ATP1B3: variants seen among roughly 807,000 people sequenced by gnomAD.
The protein encoded by ATP1B3 is ATPase Na+/K+ transporting subunit beta 3.
Under a neutral mutation model 30.2 loss-of-function variants are expected in ATP1B3, and 10 were observed. The observed-to-expected ratio is 0.33, with a 90% CI of 0.20 to 0.56. The LOEUF is 0.56. ATP1B3 is among the 20% of genes least tolerant of loss of function. ATP1B3 has a pLI of 0.90. For missense variants in ATP1B3, 238 were observed against 336.7 expected, an observed-to-expected ratio of 0.71 and a Z score of 2.29; for synonymous variants, 113 against 117.0, an observed-to-expected ratio of 0.97 and a Z score of 0.22.
In ATP1B3 at chr3:141,876,894, C is replaced by T. The variant is rs1367098935; in HGVS notation, c.93C>T (p.Arg31=). 4.4e-6 allele frequency: 7 copies of T among 1,581,348 alleles called. No homozygotes were observed. In the Admixed American group the frequency reaches 5.2e-5, roughly 12 times the overall value. ...YNPTTGEFLG[R]TAKSWGLILL... ...CGACCACCGGAGAATTCCTGGGGCG[C>T]ACCGCCAAGAGCTGGGGTGAGCGGG... is the stretch of plus-strand genomic sequence containing the variant. The change falls in exon 1 of 7, where the codon CGC becomes CGT. Residue 31 remains arginine (R), a synonymous_variant. Transcript: ENST00000286371.
At position 141,902,042 on chromosome 3, in the gene ATP1B3, A is replaced by T. The variant is rs111605975; in HGVS notation, c.110-1578A>T. 1.8e-5 allele frequency: 17 copies of T among 945,424 alleles called. No individual in the cohort carries two copies. In the African/African-American group the frequency reaches 2.0e-4, roughly 11 times the overall value. 58.6% of individuals were successfully genotyped at this position (945,424 alleles called of 1,614,324 possible). A position where few individuals can be genotyped will look rare whatever the true frequency, so the allele number is the denominator to read the frequency against. On this transcript the variant is annotated intron_variant, in intron 1 of 6. Transcript: ENST00000286371. ...TCAAAGAATTTCTCTTCTGTATCTT[A>T]TTAAACTGGCCTGTGGGCTTTCTGT... is the stretch of plus-strand genomic sequence containing the variant.
chr3:141,903,799 G>A (rs775915729), intron 2 of ATP1B3, 51 bp downstream of exon 2: 3 of 1,539,556 alleles, frequency 1.9e-6, no homozygotes, highest in Non-Finnish European at 2.7e-6. Flanking sequence ...TTTTTTTTTT[G>A]AGACAGAGTT....
chr3:141,903,278 G>T (rs1005411441), intron 1 of ATP1B3, among the ~76,000 whole-genome samples: 4 of 152,260 alleles, frequency 2.6e-5, no homozygotes, highest in African/African-American at 9.6e-5. Flanking sequence ...AAACCATCTT[G>T]TATCTTTTTA....
chr3:141,893,269 A>G (rs890336171), intron 1 of ATP1B3, among the ~76,000 whole-genome samples: 6 of 152,128 alleles, frequency 3.9e-5, no homozygotes, highest in Admixed American at 2.6e-4. Flanking sequence ...TTGGCCTCCT[A>G]AAGTGCTAAG....
intron 6 of ATP1B3, among the ~76,000 whole-genome samples, chr3:141,922,440 G>A (rs1934580512): frequency 6.6e-6 from 1 of 151,660 alleles, no homozygotes; most frequent in Non-Finnish European, 1.5e-5. Flanking sequence ...ATTACCTGAG[G>A]TCAGGAGTTT....
chr3:141,922,582 G>A (rs376056421), intron 6 of ATP1B3, among the ~76,000 whole-genome samples: 1 of 151,894 alleles, frequency 6.6e-6, no homozygotes, highest in East Asian at 1.9e-4. Flanking sequence ...GAACCCAGGA[G>A]GTGGAGGTTG....
chr3:141,924,752 C>G (rs937705297), intron 6 of ATP1B3, among the ~76,000 whole-genome samples: 6 of 151,856 alleles, frequency 4.0e-5, no homozygotes, highest in Non-Finnish European at 7.4e-5. Flanking sequence ...GTCAGGAGAT[C>G]GAGACTATCC....
chr3:141,886,372 A>G (rs1933834455), intron 1 of ATP1B3, among the ~76,000 whole-genome samples: 1 of 152,194 alleles, frequency 6.6e-6, no homozygotes, highest in Admixed American at 6.5e-5. Flanking sequence ...TGGCTCTGCC[A>G]TAAGCCTTCT....
At chr3:141,909,677 G>A (rs565363681) in intron 3 of ATP1B3, among the ~76,000 whole-genome samples, 5 of 152,338 alleles carry the variant, frequency 3.3e-5, no homozygotes, top group African/African-American at 1.2e-4. Context: ...AGAGCAGTAG[G>A]AGACTGAGGT....
In ATP1B3 at chr3:141,885,068, C is replaced by T. The variant is rs1382276377; in HGVS notation, c.109+8158C>T. Reference sequence around the variant, plus strand: ...ACGTCATCTGGTAAATAGCTCGTTTCCCTTCCTTCCCTGAGGTTCTGTATT... The same window carrying T: ...ACGTCATCTGGTAAATAGCTCGTTTTCCTTCCTTCCCTGAGGTTCTGTATT... On this transcript the variant is annotated intron_variant, in intron 1 of 6. Coordinates refer to ENST00000286371, the MANE Select transcript of ATP1B3 (RefSeq NM_001679.4). 2.6e-5 allele frequency among the ~76,000 whole-genome samples: 4 copies of T among 152,086 alleles called. No individual in the cohort carries two copies. The East Asian group carries it at 7.7e-4, about 29-fold the overall frequency.
intron 6 of ATP1B3, among the ~76,000 whole-genome samples, chr3:141,923,302 G>A (rs2107780881): frequency 6.6e-6 from 1 of 150,960 alleles, no homozygotes; most frequent in East Asian, 1.9e-4. Context: ...TAGGTTAGTG[G>A]ACTAATGAGT....
Position 141,923,845 on chromosome 3 carries a change from A to T in ATP1B3, c.670-1686A>T, listed in dbSNP as rs375200048. Reference sequence around the variant, plus strand: ...ATTAGTTGGAGTTTGGTGGTTTTTCATGATTAAATATAGGTTGTGCATTTT... The same window carrying T: ...ATTAGTTGGAGTTTGGTGGTTTTTCTTGATTAAATATAGGTTGTGCATTTT... On this transcript the variant is annotated intron_variant, in intron 6 of 6. Transcript: ENST00000286371. 5.3e-5 allele frequency among the ~76,000 whole-genome samples: 8 copies of T among 152,152 alleles called. No homozygotes were observed. The South Asian group carries it at 6.2e-4, about 12-fold the overall frequency.
intron 2 of ATP1B3, among the ~76,000 whole-genome samples, chr3:141,905,742 A>G (rs929041263): frequency 1.3e-5 from 2 of 152,072 alleles, no homozygotes; most frequent in South Asian, 2.1e-4. Flanking sequence ...TTTACTTGCT[A>G]TTTAAGTGAT....
chr3:141,884,019 T>C (rs893238783), intron 1 of ATP1B3, among the ~76,000 whole-genome samples: 1 of 152,230 alleles, frequency 6.6e-6, no homozygotes, highest in African/African-American at 2.4e-5. Flanking sequence ...ATTGCTCTTT[T>C]CAGCTTCTTA....
chr3:141,893,133 C>G (rs577912562), intron 1 of ATP1B3, among the ~76,000 whole-genome samples: 1 of 152,100 alleles, frequency 6.6e-6, no homozygotes, highest in Non-Finnish European at 1.5e-5. Flanking sequence ...CTCAGCCTCT[C>G]GAGTAGCTGG....
intron 1 of ATP1B3, among the ~76,000 whole-genome samples, chr3:141,900,007 G>A (rs1190731096): frequency 1.3e-5 from 2 of 152,062 alleles, no homozygotes; most frequent in African/African-American, 2.4e-5. Flanking sequence ...CTCCAGCCTG[G>A]GTGACAGAGA....
intron 5 of ATP1B3, among the ~76,000 whole-genome samples, chr3:141,921,151 A>G (rs1050992733): frequency 6.6e-6 from 1 of 152,052 alleles, no homozygotes; most frequent in African/African-American, 2.4e-5. Context: ...ACTGATTTTA[A>G]TCATTGTGGT....
intron 1 of ATP1B3, among the ~76,000 whole-genome samples, chr3:141,897,430 G>A (rs953892189): frequency 4.6e-5 from 7 of 152,118 alleles, no homozygotes; most frequent in Admixed American, 3.9e-4. Flanking sequence ...ATCACCCTGA[G>A]TAACACAGAA....
At chr3:141,885,452 CTTTTTTTG>C (rs1933810111) in intron 1 of ATP1B3, among the ~76,000 whole-genome samples, 3 of 149,246 alleles carry the variant, frequency 2.0e-5, no homozygotes, top group Admixed American at 1.3e-4. Flanking sequence ...TTCTTTTTTT[CTTTTTTTG>C]TTTTTCAGAT....
Sources: allele counts gnomAD v4.1 joint callset (sites outside exome capture counted in the v4.1 genomes callset), GRCh38; gene constraint gnomAD v4.1.1; transcripts MANE v1.5; gene names NCBI Gene and HGNC (gene_info 2026-07-23, HGNC 2026-07-21).